The following MBP variants were observed in gnomAD, a reference collection of about 807,000 sequenced individuals.
MBP encodes the protein myelin basic protein.
MBP carries 16 observed loss-of-function variants against 35.8 expected under a neutral mutation model. That is an observed-to-expected ratio of 0.45 (90% CI 0.30 to 0.68). MBP has a LOEUF of 0.68. MBP is among the 30% of genes least tolerant of loss of function. MBP has a pLI of 0.08. For missense variants in MBP, 380 were observed against 404.7 expected, an observed-to-expected ratio of 0.94 and a Z score of 0.52; for synonymous variants, 143 against 159.6, an observed-to-expected ratio of 0.90 and a Z score of 0.78.
chr18:76,981,406 T>A (rs1969193303), intron 8 of MBP: 1 of 152,220 alleles, frequency 6.6e-6, no homozygotes, highest in Non-Finnish European at 1.5e-5. Flanking sequence ...ATTCTACGTC[T>A]TCCACACTGC....
rs1229041942 is a variant in MBP at position 77,057,990 on chromosome 18, C to G, written c.139+8308G>C. On this transcript the variant is annotated intron_variant, in intron 3 of 8. Coordinates refer to ENST00000355994, the MANE Select transcript of MBP (RefSeq NM_001025101.2). Reference sequence around the variant, plus strand: ...TACAGGCGCCCGCCACTACGCCCGGCTAATTTTTTGTATTTTTTTTTTTAA... The same window carrying G: ...TACAGGCGCCCGCCACTACGCCCGGGTAATTTTTTGTATTTTTTTTTTTAA... Among the ~76,000 whole-genome samples the G allele has an allele frequency of 4.5e-5, 3 of 66,862 alleles. 1 individual carries two copies. Among genetic ancestry groups the G allele is most frequent in the African/African-American group, 3.0e-4 (3 of 10,148 alleles). 43.9% of individuals were successfully genotyped at this position (66,862 alleles called of 152,430 possible).
At position 77,028,954 on chromosome 18, in the gene MBP, C is replaced by CCTAA. The variant is rs1434429625; in HGVS notation, c.140-11687_140-11686insTTAG. Among the ~76,000 whole-genome samples, 677 of 69,478 alleles carry CCTAA rather than the reference C, an allele frequency of 9.7e-3. 8 individuals carry two copies. Among genetic ancestry groups the CCTAA allele is most frequent in the Middle Eastern group, 0.045 (5 of 112 alleles). 45.6% of individuals were successfully genotyped at this position (69,478 alleles called of 152,430 possible). On this transcript the variant is annotated intron_variant, in intron 3 of 8. Transcript: ENST00000355994. ...GACTGGGCAGCCAGGCAGAGGGGCT[C>CCTAA]CATCCCAGACAATGGGCGGCCAGGC...
intron 4 of MBP, chr18:76,990,859 TG>T: frequency 3.5e-6 from 1 of 285,336 alleles, no homozygotes; most frequent in Non-Finnish European, 7.2e-6. Context: ...GCAGCGGGTT[TG>T]GGTGTGCGAC....
intron 3 of MBP, among the ~76,000 whole-genome samples, chr18:77,039,001 T>C (rs1331823492): frequency 6.6e-6 from 1 of 152,198 alleles, no homozygotes; most frequent in Non-Finnish European, 1.5e-5. Flanking sequence ...GGTGAGAATA[T>C]TTTTTTACCT....
At chr18:76,987,380 G>A in intron 7 of MBP, 3 of 985,428 alleles carry the variant, frequency 3.0e-6, no homozygotes, top group Non-Finnish European at 3.6e-6. Flanking sequence ...GTCAGAAAAA[G>A]CAAGTCAAAT....
chr18:77,103,150 T>A (rs1431494626), intron 2 of MBP, among the ~76,000 whole-genome samples: 2 of 152,202 alleles, frequency 1.3e-5, no homozygotes, highest in African/African-American at 2.4e-5. Flanking sequence ...CATGGATGAT[T>A]TGAAAGCAAA....
At chr18:77,009,166 G>A (rs1301148999) in intron 4 of MBP, among the ~76,000 whole-genome samples, 1 of 152,182 alleles carries the variant, frequency 6.6e-6, no homozygotes, top group Non-Finnish European at 1.5e-5. Context: ...CCTGCTCACG[G>A]TGACGGCAGT....
At chr18:76,996,824 G>A (rs1419891382) in intron 4 of MBP, among the ~76,000 whole-genome samples, 1 of 152,140 alleles carries the variant, frequency 6.6e-6, no homozygotes, top group Non-Finnish European at 1.5e-5. Flanking sequence ...ACTCATAGAA[G>A]TGTACCCCCA....
intron 4 of MBP, chr18:77,013,111 T>G (rs1156948172): frequency 1.0e-6 from 1 of 985,332 alleles, no homozygotes; most frequent in Non-Finnish European, 1.2e-6. Flanking sequence ...GTAATGAGAC[T>G]TTGAGAGGAA....
chr18:76,994,287 A>G (rs1970145071), intron 4 of MBP, among the ~76,000 whole-genome samples: 1 of 152,190 alleles, frequency 6.6e-6, no homozygotes, highest in African/African-American at 2.4e-5. Context: ...GCATTTCTCC[A>G]TTTCTCTACA....
At chr18:77,106,790 G>T (rs925336394) in intron 1 of MBP, among the ~76,000 whole-genome samples, 6 of 152,184 alleles carry the variant, frequency 3.9e-5, no homozygotes, top group Admixed American at 2.0e-4. Flanking sequence ...TTTTAAAAAC[G>T]CAAGGCTACC....
intron 8 of MBP, chr18:76,980,726 A>G (rs1013689782): frequency 3.8e-6 from 2 of 521,936 alleles, no homozygotes; most frequent in Non-Finnish European, 6.9e-6. Context: ...GGTGCCTGGC[A>G]TAACCACTGC....
chr18:76,987,251 A>G (rs1403674978), intron 7 of MBP: 1 of 985,490 alleles, frequency 1.0e-6, no homozygotes. Flanking sequence ...TGGGTCAAAA[A>G]TGAATTTCAT....
chr18:77,050,744 C>T (rs967749440), intron 3 of MBP, among the ~76,000 whole-genome samples: 1 of 152,202 alleles, frequency 6.6e-6, no homozygotes, highest in African/African-American at 2.4e-5. Context: ...TGGGGTTTCA[C>T]CATACTGGCC....
In MBP at chr18:77,015,533, G is replaced by C. The variant is rs183398239; in HGVS notation, c.576+1299C>G. On this transcript the variant is annotated intron_variant, in intron 4 of 8. Transcript: ENST00000355994. ...GTCTACAAATGCACTGAAAGAACTA[G>C]CCAGAATATGAATTCCATTAGTATC... is the stretch of plus-strand genomic sequence containing the variant. 3.6e-5 allele frequency: 35 copies of C among 985,398 alleles called. No individual in the cohort carries two copies. In the African/African-American group the frequency reaches 5.9e-4, roughly 17 times the overall value. 61.0% of individuals were successfully genotyped at this position (985,398 alleles called of 1,614,324 possible).
At position 76,986,246 on chromosome 18, in the gene MBP, G is replaced by C. The variant is rs1969552901; in HGVS notation, c.751-1352C>G. 3 of 985,396 alleles carry C rather than the reference G, an allele frequency of 3.0e-6. No individual in the cohort carries two copies. The South Asian group carries it at 1.4e-4, about 46-fold the overall frequency. The allele number at this position is 985,396 out of a possible 1,614,324, so 61.0% of individuals were successfully genotyped here. A position where few individuals can be genotyped will look rare whatever the true frequency, so the allele number is the denominator to read the frequency against. On this transcript the variant is annotated intron_variant, in intron 7 of 8. Transcript: ENST00000355994. The stretch of plus-strand genomic sequence containing the variant: ...TTTTGCCAACAAGAAATGGGAGACT[G>C]TCCTTGAGCCCTCTCCTGAAGACTT...
intron 2 of MBP, among the ~76,000 whole-genome samples, chr18:77,084,921 A>G (rs1436145019): frequency 6.6e-6 from 1 of 151,536 alleles, no homozygotes; most frequent in African/African-American, 2.4e-5. Flanking sequence ...CTGGTTAAGT[A>G]AAATAAGAAG....
intron 3 of MBP, among the ~76,000 whole-genome samples, chr18:77,039,761 T>C (rs1298167181): frequency 6.6e-6 from 1 of 152,086 alleles, no homozygotes; most frequent in Non-Finnish European, 1.5e-5. Context: ...AATCAAGTGG[T>C]AGGAAGGAAG....
At chr18:77,029,962 G>C (rs536761244) in intron 3 of MBP, among the ~76,000 whole-genome samples, 14 of 152,260 alleles carry the variant, frequency 9.2e-5, no homozygotes, top group African/African-American at 3.1e-4. Context: ...AGGGAACCTA[G>C]ACACAATCTT....
Sources: gnomAD v4.1 joint callset for allele counts (sites outside exome capture counted in the v4.1 genomes callset) on GRCh38, gnomAD v4.1.1 for gene constraint, MANE v1.5 for transcripts, NCBI Gene and HGNC (gene_info 2026-07-23, HGNC 2026-07-21) for gene names.